Variants in PATL2 observed in about 807,000 individuals in gnomAD.
PATL2 encodes the protein PAT1 homolog 2.
In PATL2, 73 loss-of-function variants were observed where a neutral mutation model predicts 77.0. That is an observed-to-expected ratio of 0.95 (90% CI 0.78 to 1.15). The LOEUF is 1.15. Among genes scored for constraint, PATL2 ranks in the 50% most tolerant of loss-of-function variants. PATL2 has a pLI of 0.00. For missense variants in PATL2, 618 were observed against 655.4 expected, an observed-to-expected ratio of 0.94 and a Z score of 0.62; for synonymous variants, 265 against 257.1, an observed-to-expected ratio of 1.03 and a Z score of -0.29.
chr15:44,676,383 G>A lies in PATL2; in HGVS notation c.16+92C>T, dbSNP rs150551654. 1,410 of 1,142,744 alleles carry A rather than the reference G, an allele frequency of 1.2e-3. 22 individuals are homozygous for A. The East Asian group carries it at 0.024, about 19-fold the overall frequency. 70.8% of individuals were successfully genotyped at this position (1,142,744 alleles called of 1,614,324 possible). Reference sequence around the variant, plus strand: ...GGAAGAATTTGGAATAACTTCCAGTGACTCTGGACATCCAATCCCATATGT... The same window carrying A: ...GGAAGAATTTGGAATAACTTCCAGTAACTCTGGACATCCAATCCCATATGT... On this transcript the variant is annotated intron_variant, in intron 4 of 17. Transcript: ENST00000682850.
intron 3 of PATL2, among the ~76,000 whole-genome samples, chr15:44,707,452 C>A (rs1248351962): frequency 1.3e-5 from 2 of 152,108 alleles, no homozygotes; most frequent in Non-Finnish European, 2.9e-5. Context: ...GGTGAGGAAT[C>A]CTGCCAGGAC....
At chr15:44,706,216 G>C (rs2086733732) in intron 3 of PATL2, among the ~76,000 whole-genome samples, 2 of 152,170 alleles carry the variant, frequency 1.3e-5, no homozygotes, top group African/African-American at 4.8e-5. Context: ...CCTGATGCTT[G>C]TGGATGTTCA....
At chr15:44,685,026 C>T (rs888241983) in intron 3 of PATL2, among the ~76,000 whole-genome samples, 2 of 152,114 alleles carry the variant, frequency 1.3e-5, no homozygotes, top group Non-Finnish European at 2.9e-5. Flanking sequence ...GAAATAAAAT[C>T]CTTTACAGAC....
intron 7 of PATL2, 124 bp downstream of exon 7, chr15:44,673,111 A>C: frequency 7.9e-7 from 1 of 1,267,032 alleles, no homozygotes; most frequent in Non-Finnish European, 1.1e-6. Flanking sequence ...AGACGGAATT[A>C]GACTATACCT....
At chr15:44,670,130 A>G in intron 9 of PATL2, 43 bp from the exon 10 acceptor site, 1 of 1,539,146 alleles carries the variant, frequency 6.5e-7, no homozygotes. Context: ...AAAACACCTT[A>G]TATTCATCTT....
intron 3 of PATL2, among the ~76,000 whole-genome samples, chr15:44,694,333 T>C (rs1465303366): frequency 4.6e-5 from 7 of 152,234 alleles, no homozygotes; most frequent in African/African-American, 1.7e-4. Flanking sequence ...TGACATATGA[T>C]AAATTGTCTT....
chr15:44,693,697 G>GT (rs1229129404), intron 3 of PATL2, among the ~76,000 whole-genome samples: 2,830 of 143,844 alleles, frequency 0.02, 60 homozygotes, highest in African/African-American at 0.048. Flanking sequence ...TTCTTTTTCT[G>GT]TTTTTTTTTT....
At chr15:44,666,796 AGAGAAGT>A in intron 16 of PATL2, 1 of 521,664 alleles carries the variant, frequency 1.9e-6, no homozygotes. Flanking sequence ...AAACAAACTA[AGAGAAGT>A]GAGAAGTGAA....
intron 3 of PATL2, among the ~76,000 whole-genome samples, chr15:44,700,630 T>C (rs549510316): frequency 1.3e-5 from 2 of 152,292 alleles, no homozygotes; most frequent in African/African-American, 2.4e-5. Context: ...CCTCCAACTT[T>C]ACTGAATTTG....
intron 6 of PATL2, 144 bp downstream of exon 6, chr15:44,674,006 A>G (rs909087302): frequency 1.8e-5 from 13 of 709,050 alleles, no homozygotes; most frequent in Non-Finnish European, 3.0e-5. Flanking sequence ...TCATTTATCA[A>G]GCTCCTCTAT....
chr15:44,685,982 A>T (rs951031299), intron 3 of PATL2, among the ~76,000 whole-genome samples: 3 of 152,146 alleles, frequency 2.0e-5, no homozygotes, highest in African/African-American at 7.2e-5. Context: ...CCCCACTGTC[A>T]ATATTAGACA....
At position 44,676,478 on chromosome 15, in the gene PATL2, C is replaced by A; in HGVS notation, c.13G>T (p.Glu5Ter). The A allele has an allele frequency of 6.4e-7, 1 of 1,551,134 alleles. No homozygotes were observed. The highest frequency in any genetic ancestry group is 8.7e-7 in the Non-Finnish European group (1 of 1,146,508). Residue 5 changes from glutamate (E) to a stop codon, truncating the protein, a stop_gained, in exon 4 of 18, where the codon GAA becomes TAA. Transcript: ENST00000682850. LOFTEE classifies it high-confidence loss of function. The part of the protein sequence containing the change: MNCL[E>*]GPGKTCGPLA... Reference sequence around the variant, plus strand: ...ATCACGGCCCACTTGTTGATACCTTCAAGGCAATTCATCTTGGCAGGCTGG... The same window carrying A: ...ATCACGGCCCACTTGTTGATACCTTAAAGGCAATTCATCTTGGCAGGCTGG...
At chr15:44,696,080 G>A (rs1358277384) in intron 3 of PATL2, among the ~76,000 whole-genome samples, 1 of 152,194 alleles carries the variant, frequency 6.6e-6, no homozygotes, top group African/African-American at 2.4e-5. Flanking sequence ...GGAGGAGAAT[G>A]TTGATTTTTT....
At position 44,669,769 on chromosome 15, in the gene PATL2, G is replaced by A; in HGVS notation, c.876+8C>T. 6.4e-7 allele frequency: 1 copy of A among 1,551,466 alleles called. No homozygotes were observed. The highest frequency in any genetic ancestry group is 8.7e-7 in the Non-Finnish European group (1 of 1,146,802). On this transcript the variant is annotated splice_region_variant and intron_variant, in intron 11 of 17. Coordinates refer to ENST00000682850, the MANE Select transcript of PATL2 (RefSeq NM_001387263.1). The stretch of plus-strand genomic sequence containing the variant: ...AGAGAAAAATGTCTGGGAAGATAGT[G>A]CTCCCACCTGCTCTTGAGTTCCATG...
chr15:44,689,979 CAGG>C (rs1393865638), intron 3 of PATL2, among the ~76,000 whole-genome samples: 1 of 152,138 alleles, frequency 6.6e-6, no homozygotes, highest in Non-Finnish European at 1.5e-5. Context: ...CACCTGAGGT[CAGG>C]AGTTCGAGAC....
intron 3 of PATL2, among the ~76,000 whole-genome samples, chr15:44,682,381 A>AT (rs2086153073): frequency 6.6e-6 from 1 of 152,198 alleles, no homozygotes; most frequent in African/African-American, 2.4e-5. Context: ...CACCTACCAC[A>AT]CTGTGTCGTC....
intron 3 of PATL2, among the ~76,000 whole-genome samples, chr15:44,679,645 G>A (rs905808200): frequency 6.7e-6 from 1 of 148,368 alleles, no homozygotes; most frequent in Non-Finnish European, 1.5e-5. Context: ...CACCTGCCTC[G>A]GCCTCCAGAG....
chr15:44,698,017 G>T (rs1595986607), intron 3 of PATL2, among the ~76,000 whole-genome samples: 1 of 151,868 alleles, frequency 6.6e-6, no homozygotes, highest in East Asian at 1.9e-4. Context: ...GGGACTACAG[G>T]TGCATACCAC....
At position 44,666,614 on chromosome 15, in the gene PATL2, T is replaced by C. The variant is rs1046179987; in HGVS notation, c.1464-73A>G. 2.1e-6 allele frequency: 3 copies of C among 1,400,014 alleles called. No individual in the cohort carries two copies. The Admixed American group carries it at 8.7e-5, about 41-fold the overall frequency. The allele number at this position is 1,400,014 out of a possible 1,614,324, so 86.7% of individuals were successfully genotyped here. On this transcript the variant is annotated intron_variant, in intron 16 of 17. Transcript: ENST00000682850. The stretch of plus-strand genomic sequence containing the variant: ...CAGACTCAGGGCCAAGGTTTCTTAT[T>C]ATCTTTCCGTTACTACTACCATTGT...
Sources: allele counts gnomAD v4.1 joint callset (sites outside exome capture counted in the v4.1 genomes callset), GRCh38; gene constraint gnomAD v4.1.1; transcripts MANE v1.5; gene names NCBI Gene and HGNC (gene_info 2026-07-23, HGNC 2026-07-21).